SCUBE1: variants seen among roughly 807,000 people sequenced by gnomAD.
The protein encoded by SCUBE1 is signal peptide, CUB and EGF-like domain-containing protein 1.
SCUBE1 carries 59 observed loss-of-function variants against 124.4 expected under a neutral mutation model. The observed-to-expected ratio is 0.47, with a 90% CI of 0.38 to 0.59. The LOEUF (loss-of-function observed/expected upper bound fraction) is 0.59, where lower values mean the gene tolerates loss of function less well. Ranked by LOEUF, SCUBE1 falls within the 20% of genes least tolerant of loss-of-function variation. The pLI is 0.00. For synonymous variants in SCUBE1, 545 were observed against 550.9 expected (o/e 0.99, Z 0.15); for missense variants, 1,150 against 1,371.2 (o/e 0.84, Z 2.55).
At chr22:43,220,704 A>C in intron 13 of SCUBE1, 117 bp from the exon 14 acceptor site, 1 of 1,335,712 alleles carries the variant, frequency 7.5e-7, no homozygotes, top group Non-Finnish European at 1.0e-6. Flanking sequence ...GTGCAGACGG[A>C]AAAACTCAGG....
chr22:43,326,985 C>T (rs1015686155), intron 2 of SCUBE1, among the ~76,000 whole-genome samples: 2 of 152,200 alleles, frequency 1.3e-5, no homozygotes, highest in South Asian at 2.1e-4. Context: ...GTGTCTGTGT[C>T]CTCTGATGCT....
chr22:43,270,178 T>C (rs1005183900), intron 4 of SCUBE1: 2 of 152,260 alleles, frequency 1.3e-5, no homozygotes, highest in African/African-American at 2.4e-5. Context: ...TGAAATGCCA[T>C]GTAAAATTGC....
chr22:43,275,752 G>A (rs1924482619), intron 4 of SCUBE1, among the ~76,000 whole-genome samples: 1 of 152,206 alleles, frequency 6.6e-6, no homozygotes, highest in Non-Finnish European at 1.5e-5. Context: ...ATCAGTAAAG[G>A]GCACGTGTGC....
At chr22:43,259,097 G>C (rs1923777323) in intron 5 of SCUBE1, among the ~76,000 whole-genome samples, 1 of 152,242 alleles carries the variant, frequency 6.6e-6, no homozygotes, top group African/African-American at 2.4e-5. Flanking sequence ...AAAGGGGGCA[G>C]AACAGAAAGG....
In SCUBE1 at chr22:43,210,281, G is replaced by C; in HGVS notation, c.2384-41C>G. The stretch of plus-strand genomic sequence containing the variant: ...CCCGAGGGCCTCATCAGGCTCTGCT[G>C]GGCAGGGGCCCTGGCCGGCCAGGCC... On this transcript the variant is annotated intron_variant, in intron 18 of 21. Transcript: ENST00000360835. The surrounding 1 kb of genome is among the most constrained non-coding windows in gnomAD (Gnocchi z 4.5). The C allele has an allele frequency of 6.8e-7, 1 of 1,471,842 alleles. No homozygotes were observed. Among genetic ancestry groups the C allele is most frequent in the Non-Finnish European group, 9.0e-7 (1 of 1,114,832 alleles). 91.2% of individuals were successfully genotyped at this position (1,471,842 alleles called of 1,614,324 possible).
intron 6 of SCUBE1, among the ~76,000 whole-genome samples, chr22:43,249,483 C>T (rs1423012571): frequency 6.6e-6 from 1 of 152,188 alleles, no homozygotes; most frequent in Non-Finnish European, 1.5e-5. Context: ...GTGTCAGCCA[C>T]CATTTCCACA....
At chr22:43,223,063 C>T (rs755958389) in intron 11 of SCUBE1, 34 bp downstream of exon 11, 1 of 1,503,616 alleles carries the variant, frequency 6.7e-7, no homozygotes, top group South Asian at 1.4e-5. Context: ...ACCCCCCTGC[C>T]ACAGCATCCC....
chr22:43,303,202 G>A (rs867981270), intron 3 of SCUBE1, among the ~76,000 whole-genome samples: 1 of 152,252 alleles, frequency 6.6e-6, no homozygotes, highest in Non-Finnish European at 1.5e-5. Flanking sequence ...ATTGCCAGGC[G>A]GCTGTGCGGC....
At chr22:43,295,693 G>A (rs1925530439) in intron 3 of SCUBE1, among the ~76,000 whole-genome samples, 1 of 152,180 alleles carries the variant, frequency 6.6e-6, no homozygotes, top group Non-Finnish European at 1.5e-5. Context: ...CCTCCTCCTG[G>A]AACTGCCTCC....
intron 4 of SCUBE1, among the ~76,000 whole-genome samples, chr22:43,290,453 TTGGCTGG>T (rs1281865861): frequency 1.3e-5 from 2 of 152,274 alleles, no homozygotes; most frequent in Non-Finnish European, 2.9e-5. Flanking sequence ...CCTGCTGGGC[TTGGCTGG>T]TGGCCAGGCT....
At chr22:43,294,365 C>T (rs1030186382) in intron 3 of SCUBE1, among the ~76,000 whole-genome samples, 3 of 152,206 alleles carry the variant, frequency 2.0e-5, no homozygotes, top group Non-Finnish European at 2.9e-5. Context: ...TGAAGAGCAT[C>T]CAACTGCAGC....
At chr22:43,221,369 A>C in intron 12 of SCUBE1, 80 bp from the exon 13 acceptor site, 1 of 782,814 alleles carries the variant, frequency 1.3e-6, no homozygotes, top group Non-Finnish European at 2.2e-6. Flanking sequence ...CTGCCAGGGG[A>C]CAAATCCATC....
chr22:43,206,061 C>T (rs1350395248), intron 21 of SCUBE1, among the ~76,000 whole-genome samples: 9 of 145,648 alleles, frequency 6.2e-5, no homozygotes, highest in Non-Finnish European at 1.4e-4. Flanking sequence ...ACACACCACA[C>T]ACCCTCACCT....
chr22:43,251,352 A>G (rs1923439765), intron 6 of SCUBE1, among the ~76,000 whole-genome samples: 1 of 152,236 alleles, frequency 6.6e-6, no homozygotes, highest in South Asian at 2.1e-4. Context: ...CAGCCCAAGC[A>G]GAACCATCTG....
chr22:43,204,205 G>C, intron 21 of SCUBE1, 56 bp from the exon 22 acceptor site: 1 of 1,557,134 alleles, frequency 6.4e-7, no homozygotes, highest in East Asian at 2.3e-5. Flanking sequence ...AGGGTCTGTG[G>C]GGTGTTGCCA....
intron 11 of SCUBE1, 26 bp downstream of exon 11, chr22:43,223,071 C>A: frequency 6.6e-7 from 1 of 1,509,432 alleles, no homozygotes; most frequent in South Asian, 1.4e-5. Context: ...GCCACAGCAT[C>A]CCATCTCAGG....
At chr22:43,269,833 A>AGG (rs1924223412) in intron 4 of SCUBE1, among the ~76,000 whole-genome samples, 18 of 152,118 alleles carry the variant, frequency 1.2e-4, no homozygotes, top group Admixed American at 1.2e-3. Context: ...GGGTGAAGGA[A>AGG]ACCCGGGGAA....
intron 4 of SCUBE1, among the ~76,000 whole-genome samples, chr22:43,288,764 C>T (rs751242045): frequency 2.5e-4 from 38 of 152,248 alleles, no homozygotes; most frequent in Non-Finnish European, 3.5e-4. Flanking sequence ...CGCTGGGCTT[C>T]GCCTTCCTCA....
intron 4 of SCUBE1, among the ~76,000 whole-genome samples, chr22:43,263,114 C>T (rs1923934749): frequency 1.3e-5 from 2 of 152,334 alleles, no homozygotes; most frequent in South Asian, 4.1e-4. Flanking sequence ...AATGGCACCT[C>T]GTGACCCACG....
Sources: allele counts gnomAD v4.1 joint callset (sites outside exome capture counted in the v4.1 genomes callset), GRCh38; gene constraint gnomAD v4.1.1; non-coding constraint Gnocchi (gnomAD v3.1); transcripts MANE v1.5; gene names NCBI Gene and HGNC (gene_info 2026-07-23, HGNC 2026-07-21).